The following VPS39 variants were observed in gnomAD, a reference collection of about 807,000 sequenced individuals.
VPS39 encodes the protein VPS39 subunit of HOPS complex.
A neutral mutation model predicts 121.0 loss-of-function variants in VPS39; 70 were observed. That is an observed-to-expected ratio of 0.58 (90% confidence interval 0.48 to 0.71). VPS39 has a LOEUF of 0.71. Ranked by LOEUF, VPS39 falls within the 30% of genes least tolerant of loss-of-function variation. The pLI, the probability that VPS39 is intolerant of heterozygous loss-of-function variation, is 0.00. For missense variants in VPS39, 818 were observed against 1,051.5 expected (o/e 0.78, Z 3.07); for synonymous variants, 378 against 398.1 (o/e 0.95, Z 0.60).
intron 1 of VPS39, among the ~76,000 whole-genome samples, chr15:42,203,277 T>C (rs1332688966): frequency 1.3e-5 from 2 of 152,090 alleles, no homozygotes; most frequent in Non-Finnish European, 2.9e-5. Flanking sequence ...AAGACCAGTC[T>C]GGCCAACACA....
At chr15:42,203,473 CAAAA>C (rs58706734) in intron 1 of VPS39, among the ~76,000 whole-genome samples, 1 of 127,936 alleles carries the variant, frequency 7.8e-6, no homozygotes. Flanking sequence ...GACTCTGTCT[CAAAA>C]AAAAAAAAAA....
At chr15:42,161,396 C>A in intron 24 of VPS39, 1 of 492,512 alleles carries the variant, frequency 2.0e-6, no homozygotes. Context: ...AGACCTACAT[C>A]TCTTGGGCAC....
chr15:42,191,034 A>T lies in VPS39; in HGVS notation c.247+91T>A, dbSNP rs921137761. The T allele has an allele frequency of 3.4e-6, 5 of 1,466,590 alleles. No individual in the cohort carries two copies. The African/African-American group carries it at 7.0e-5, about 20-fold the overall frequency. The allele number at this position is 1,466,590 out of a possible 1,614,324, so 90.8% of individuals were successfully genotyped here. A position where few individuals can be genotyped will look rare whatever the true frequency, so the allele number is the denominator to read the frequency against. On this transcript the variant is annotated intron_variant, in intron 4 of 24. Transcript: ENST00000318006. ...TTTGGAACACGTCAGTTCATTGTTA[A>T]GTAACCACTATCAAATTAACCATGA...
intron 8 of VPS39, among the ~76,000 whole-genome samples, chr15:42,184,030 A>G (rs1011351309): frequency 2.8e-5 from 4 of 140,686 alleles, no homozygotes; most frequent in Admixed American, 8.0e-5. Context: ...AAATCACCTA[A>G]ATGTTGTCTG....
chr15:42,201,358 T>A (rs1214805083), intron 1 of VPS39, among the ~76,000 whole-genome samples: 2 of 152,064 alleles, frequency 1.3e-5, no homozygotes, highest in Admixed American at 6.5e-5. Flanking sequence ...AAAAAATGTT[T>A]ATAGAGATGA....
At chr15:42,167,275 A>G in intron 13 of VPS39, 119 bp downstream of exon 13, 1 of 1,340,292 alleles carries the variant, frequency 7.5e-7, no homozygotes, top group Non-Finnish European at 1.0e-6. Flanking sequence ...TATGGTTTCC[A>G]GAATCAAAGA....
chr15:42,166,035 C>A, intron 16 of VPS39, 124 bp downstream of exon 16: 1 of 1,116,654 alleles, frequency 9.0e-7, no homozygotes, highest in Non-Finnish European at 1.3e-6. Context: ...TCCCAGTCCA[C>A]CCTTTCTTCA....
intron 11 of VPS39, 75 bp from the exon 12 acceptor site, chr15:42,169,941 C>G (rs2049315306): frequency 7.4e-7 from 1 of 1,360,248 alleles, no homozygotes; most frequent in Admixed American, 2.3e-5. Context: ...AGGACTATTA[C>G]TATAGCAAAA....
chr15:42,168,978 T>A (rs984910728), intron 12 of VPS39, among the ~76,000 whole-genome samples: 10 of 152,244 alleles, frequency 6.6e-5, no homozygotes, highest in Non-Finnish European at 1.2e-4. Flanking sequence ...ACAATAGCCT[T>A]CTGTGACAGA....
intron 17 of VPS39, chr15:42,165,459 T>C (rs1354230210): frequency 2.1e-6 from 1 of 467,482 alleles, no homozygotes; most frequent in African/African-American, 2.0e-5. Context: ...CGCTTTGGAA[T>C]TTTTTTTCCA....
At chr15:42,163,516 C>T (rs1448808714) in intron 20 of VPS39, 110 bp downstream of exon 20, 9 of 1,531,658 alleles carry the variant, frequency 5.9e-6, no homozygotes, top group South Asian at 1.1e-5. Context: ...AGGACGGAGG[C>T]GATTCTTGCT....
chr15:42,191,827 G>T (rs142816178), intron 2 of VPS39, among the ~76,000 whole-genome samples: 1 of 152,172 alleles, frequency 6.6e-6, no homozygotes, highest in Admixed American at 6.5e-5. Flanking sequence ...CAAGGTACTC[G>T]TGAGTCTGAA....
At chr15:42,186,354 C>A (rs1012000931) in intron 7 of VPS39, among the ~76,000 whole-genome samples, 2 of 151,872 alleles carry the variant, frequency 1.3e-5, no homozygotes, top group African/African-American at 4.8e-5. Context: ...GGTGGGAGGA[C>A]TGCTTGAGCC....
chr15:42,164,675 A>G (rs933609888), intron 18 of VPS39, 189 bp from the exon 19 acceptor site: 2 of 1,433,722 alleles, frequency 1.4e-6, no homozygotes, highest in Middle Eastern at 2.6e-4. Flanking sequence ...GCTTACGGTT[A>G]AAAAAATAAG....
chr15:42,199,840 T>C (rs374229712), intron 2 of VPS39, 56 bp downstream of exon 2: 26 of 1,528,126 alleles, frequency 1.7e-5, no homozygotes, highest in East Asian at 7.1e-5. Flanking sequence ...GATTTCACAG[T>C]TGTATACTAG....
intron 12 of VPS39, among the ~76,000 whole-genome samples, chr15:42,169,200 T>C (rs937360370): frequency 2.1e-4 from 32 of 152,244 alleles, no homozygotes; most frequent in African/African-American, 7.0e-4. Context: ...TACAATTTGA[T>C]ATCCATTTGC....
At chr15:42,193,222 T>G (rs1305400909) in intron 2 of VPS39, among the ~76,000 whole-genome samples, 1 of 152,214 alleles carries the variant, frequency 6.6e-6, no homozygotes, top group East Asian at 1.9e-4. Context: ...TGTTAGAAAT[T>G]TAAATACATA....
chr15:42,167,325 C>A, intron 13 of VPS39, 69 bp downstream of exon 13: 1 of 1,580,426 alleles, frequency 6.3e-7, no homozygotes. Context: ...GGGTCTAGCA[C>A]TCCCTTTTAC....
At chr15:42,186,267 AC>A (rs2049699473) in intron 7 of VPS39, among the ~76,000 whole-genome samples, 2 of 131,378 alleles carry the variant, frequency 1.5e-5, no homozygotes, top group African/African-American at 7.4e-5. Context: ...CCCCATCTCT[AC>A]AAAAATACAA....
Sources: allele counts gnomAD v4.1 joint callset (sites outside exome capture counted in the v4.1 genomes callset), GRCh38; gene constraint gnomAD v4.1.1; transcripts MANE v1.5; gene names NCBI Gene and HGNC (gene_info 2026-07-23, HGNC 2026-07-21).